The following CELA2A variants were observed in gnomAD, a reference collection of about 807,000 sequenced individuals.
The protein encoded by CELA2A is chymotrypsin-like elastase family member 2A.
A neutral mutation model predicts 35.3 loss-of-function variants in CELA2A; 31 were observed. The observed-to-expected ratio is 0.88, with a 90% CI of 0.66 to 1.19. The LOEUF (loss-of-function observed/expected upper bound fraction) is 1.19. Ranked by LOEUF, CELA2A falls within the 50% of genes most tolerant of loss-of-function variation. The pLI, the probability that CELA2A is intolerant of heterozygous loss-of-function variation, is 0.00. For missense variants in CELA2A, 330 were observed against 352.9 expected (o/e 0.94, Z 0.52); for synonymous variants, 150 against 149.8 (o/e 1.00, Z -0.01).
At chr1:15,463,075 C>T in intron 4 of CELA2A, 1 of 792,244 alleles carries the variant, frequency 1.3e-6, no homozygotes, top group Non-Finnish European at 2.0e-6. Flanking sequence ...CCAGAGCGAC[C>T]TGGGTTTGCT....
At chr1:15,468,397 C>G (rs1466244315) in intron 7 of CELA2A, among the ~76,000 whole-genome samples, 1 of 152,176 alleles carries the variant, frequency 6.6e-6, no homozygotes, top group African/African-American at 2.4e-5. Flanking sequence ...GTTGGTCCCC[C>G]TGTCTTGTAA....
intron 2 of CELA2A, among the ~76,000 whole-genome samples, chr1:15,458,872 C>G (rs1477714519): frequency 2.6e-5 from 3 of 114,266 alleles, no homozygotes; most frequent in African/African-American, 3.4e-5. Flanking sequence ...AAGATCACAC[C>G]TCTGCACTCC....
In CELA2A at chr1:15,463,499, T is replaced by C. The variant is rs200786111; in HGVS notation, c.470T>C (p.Val157Ala). 4 of 1,613,870 alleles carry C rather than the reference T, an allele frequency of 2.5e-6. No individual in the cohort carries two copies. The Admixed American group carries it at 5.0e-5, about 20-fold the overall frequency. ...CTACCCAACAACTACCCCTGCTACG[T>C]CACGGGCTGGGGAAGGCTGCAGAGT... ...TILPNNYPCYVTGWGRLQTNG... is the reference protein window; with the variant it reads ...TILPNNYPCYATGWGRLQTNG... The change falls in exon 5 of 8, where the codon GTC becomes GCC. Residue 157 changes from valine to alanine, a missense_variant. By Grantham distance (64) the Val-to-Ala change is moderately conservative. Transcript: ENST00000359621.
chr1:15,461,912 C>T (rs1041310519), intron 3 of CELA2A: 14 of 660,902 alleles, frequency 2.1e-5, no homozygotes, highest in Non-Finnish European at 3.6e-5. Flanking sequence ...CAATCTCTGC[C>T]CTCTTGGGGA....
At chr1:15,457,872 C>T (rs1051144608) in intron 2 of CELA2A, among the ~76,000 whole-genome samples, 2 of 152,094 alleles carry the variant, frequency 1.3e-5, no homozygotes, top group Admixed American at 6.6e-5. Context: ...TAACCACAGG[C>T]AAATCAATGT....
chr1:15,457,812 C>T (rs940720880), intron 2 of CELA2A, among the ~76,000 whole-genome samples: 175 of 152,308 alleles, frequency 1.1e-3, no homozygotes, highest in African/African-American at 4.1e-3. Flanking sequence ...CCTATGCAAA[C>T]ATTCCTTGCT....
chr1:15,470,612 G>A (rs1336438903), intron 7 of CELA2A, among the ~76,000 whole-genome samples: 4 of 152,002 alleles, frequency 2.6e-5, no homozygotes, highest in East Asian at 3.8e-4. Context: ...ACAGAGTCTC[G>A]CTCTGTCACC....
chr1:15,465,341 T>C (rs763209338), intron 5 of CELA2A, among the ~76,000 whole-genome samples: 5 of 151,950 alleles, frequency 3.3e-5, no homozygotes, highest in Non-Finnish European at 5.9e-5. Flanking sequence ...CAATCGGAAG[T>C]GAAGAATTGT....
chr1:15,463,313 T>G, intron 4 of CELA2A, 73 bp from the exon 5 acceptor site: 1 of 1,603,872 alleles, frequency 6.2e-7, no homozygotes. Context: ...TGACAAGGTC[T>G]CCAAGCCCTC....
chr1:15,459,027 GT>G (rs1399956976), intron 2 of CELA2A, among the ~76,000 whole-genome samples: 1 of 148,298 alleles, frequency 6.7e-6, no homozygotes, highest in African/African-American at 2.5e-5. Context: ...GTCTTGCTCT[GT>G]CACCCAGGCT....
intron 5 of CELA2A, among the ~76,000 whole-genome samples, chr1:15,464,359 C>T (rs1484806020): frequency 3.3e-5 from 5 of 152,100 alleles, no homozygotes; most frequent in Admixed American, 3.3e-4. Context: ...GGGCGGGTCT[C>T]CTTTGACATA....
chr1:15,468,478 C>T (rs1467188780), intron 7 of CELA2A, among the ~76,000 whole-genome samples: 1 of 152,170 alleles, frequency 6.6e-6, no homozygotes, highest in Admixed American at 6.5e-5. Flanking sequence ...ACAATGAACA[C>T]ATTTGTTTAT....
At chr1:15,467,870 C>T (rs1207594536) in intron 7 of CELA2A, among the ~76,000 whole-genome samples, 3 of 151,988 alleles carry the variant, frequency 2.0e-5, no homozygotes, top group African/African-American at 7.3e-5. Flanking sequence ...GGGCAGATCA[C>T]GAGGTCAGAA....
chr1:15,469,758 C>A (rs1208665267), intron 7 of CELA2A, among the ~76,000 whole-genome samples: 1 of 152,162 alleles, frequency 6.6e-6, no homozygotes, highest in Non-Finnish European at 1.5e-5. Flanking sequence ...TCTGAGTCCA[C>A]CTTTGGAGGC....
rs915256944 is a variant in CELA2A at position 15,467,391 on chromosome 1, C to T, written c.645C>T (p.Asp215=). The change falls in exon 7 of 8, where the codon GAC becomes GAT. Residue 215 remains aspartate, a synonymous_variant. Coordinates refer to ENST00000359621, the MANE Select transcript of CELA2A (RefSeq NM_033440.3). ...GDGVISSCNG[D]SGGPLNCQAS... is the part of the protein sequence containing the mutation. ...ATAACTCTGGCCTTCCTCAGGGAGACTCTGGCGGGCCACTGAACTGTCAGG... is the reference window on the plus strand; with the variant it reads ...ATAACTCTGGCCTTCCTCAGGGAGATTCTGGCGGGCCACTGAACTGTCAGG... The T allele has an allele frequency of 6.2e-7, 1 of 1,613,140 alleles. No individual in the cohort carries two copies. The highest frequency in any genetic ancestry group is 8.5e-7 in the Non-Finnish European group (1 of 1,180,032).
rs139658313 is a variant in CELA2A at position 15,467,457 on chromosome 1, C to T, written c.711C>T (p.Phe237=). 1.7e-4 allele frequency: 279 copies of T among 1,614,128 alleles called. 1 individual carries two copies. In the African/African-American group the frequency reaches 3.2e-3, roughly 19 times the overall value. ...GGCAGGTGCACGGCATCGTCAGCTTCGGGTCTCGCCTCGGCTGCAACTACT... is the reference window on the plus strand; with the variant it reads ...GGCAGGTGCACGGCATCGTCAGCTTTGGGTCTCGCCTCGGCTGCAACTACT... ...GRWQVHGIVS[F]GSRLGCNYYH... Residue 237 remains phenylalanine, a synonymous_variant, in exon 7 of 8, where the codon TTC becomes TTT. Transcript: ENST00000359621.
At chr1:15,458,238 C>T (rs1399609867) in intron 2 of CELA2A, among the ~76,000 whole-genome samples, 1 of 152,116 alleles carries the variant, frequency 6.6e-6, no homozygotes, top group Non-Finnish European at 1.5e-5. Context: ...AGAGCAGTAA[C>T]TTTGAGACGT....
chr1:15,471,841 G>A (rs1354496173), intron 7 of CELA2A, 149 bp from the exon 8 acceptor site: 45 of 881,594 alleles, frequency 5.1e-5, no homozygotes, highest in East Asian at 3.7e-4. Flanking sequence ...TTTCCGAAAC[G>A]TCATCAGAAC....
rs1708512496 is a variant in CELA2A at position 15,466,023 on chromosome 1, T to A, written c.518T>A (p.Leu173Gln). ...GCCAACGGGGCTGTTCCTGATGTCC[T>A]GCAGCAGGGCCGGTTGCTGGTTGTG... is the stretch of plus-strand genomic sequence containing the variant. ...LQTNGAVPDV[L>Q]QQGRLLVVDY... is the part of the protein sequence containing the mutation. Residue 173 changes from leucine to glutamine, a missense_variant, in exon 6 of 8, where the codon CTG becomes CAG. By Grantham distance (113) the Leu-to-Gln change is moderately radical. Transcript: ENST00000359621. 1 of 1,614,072 alleles carries A rather than the reference T, an allele frequency of 6.2e-7. No homozygotes were observed. The highest frequency in any genetic ancestry group is 1.3e-5 in the African/African-American group (1 of 74,930).
Sources: gnomAD v4.1 joint callset for allele counts (sites outside exome capture counted in the v4.1 genomes callset) on GRCh38, gnomAD v4.1.1 for gene constraint, MANE v1.5 for transcripts, NCBI Gene and HGNC (gene_info 2026-07-23, HGNC 2026-07-21) for gene names.